EVI2B: variants seen among roughly 807,000 people sequenced by gnomAD.
EVI2B encodes protein EVI2B.
A neutral mutation model predicts 6.6 loss-of-function variants in EVI2B; 4 were observed. That is an observed-to-expected ratio of 0.61 (90% confidence interval 0.30 to 1.39). EVI2B has a LOEUF of 1.39. Among genes scored for constraint, EVI2B ranks in the 40% most tolerant of loss-of-function variants. The pLI is 0.08. For synonymous variants in EVI2B, 181 were observed against 186.8 expected, an observed-to-expected ratio of 0.97 and a Z score of 0.25; for missense variants, 484 against 516.6, an observed-to-expected ratio of 0.94 and a Z score of 0.61.
chr17:31,304,937 A>C lies in EVI2B; in HGVS notation c.673T>G (p.Trp225Gly), dbSNP rs2068669449. 2 of 1,614,036 alleles carry C rather than the reference A, an allele frequency of 1.2e-6. No homozygotes were observed. Among genetic ancestry groups the C allele is most frequent in the South Asian group, 1.1e-5 (1 of 91,080 alleles). ...AAAACTGGTTTCCTTAAGCATTTCC[A>C]AAGTACAATGATGATTATAGCTACC... ...MLVAIIIIVLWKCLRKPVLND... is the reference protein window; with the variant it reads ...MLVAIIIIVLGKCLRKPVLND... The change falls in exon 2 of 2, where the codon TGG becomes GGG. Residue 225 changes from tryptophan to glycine, a missense_variant. By Grantham distance (184) the Trp-to-Gly change is radical (BLOSUM62 -2). Coordinates refer to ENST00000330927, the MANE Select transcript of EVI2B (RefSeq NM_006495.4).
intron 1 of EVI2B, among the ~76,000 whole-genome samples, chr17:31,310,646 T>C (rs190405244): frequency 3.9e-5 from 6 of 152,212 alleles, no homozygotes; most frequent in South Asian, 2.1e-4. Flanking sequence ...CCTTTTTTTT[T>C]CCCTGACACT....
rs1202038082 is a variant in EVI2B, at chr17:31,305,413, A to G, written c.197T>C (p.Phe66Ser). 5.0e-6 allele frequency: 8 copies of G among 1,614,080 alleles called. No individual in the cohort carries two copies. The highest frequency in any genetic ancestry group is 5.9e-6 in the Non-Finnish European group (7 of 1,180,034). ...GGCAGGTGATATTGATTGTCCAGAA[A>G]AAGTGTCGCTGAATTGTGTTGGTTG... ...LGQPTQFSDTFSGQSISPAKV... is the reference protein window; with the variant it reads ...LGQPTQFSDTSSGQSISPAKV... The change falls in exon 2 of 2, where the codon TTT becomes TCT. Residue 66 changes from phenylalanine to serine, a missense_variant. By Grantham distance (155) the Phe-to-Ser change is radical. Transcript: ENST00000330927.
intron 1 of EVI2B, among the ~76,000 whole-genome samples, chr17:31,307,695 T>C (rs2068760872): frequency 1.3e-5 from 2 of 152,226 alleles, no homozygotes. Context: ...TTTGGTATAA[T>C]ATACTTGTTT....
Position 31,308,355 on chromosome 17 carries a change from G to A in EVI2B, c.-21-2725C>T, listed in dbSNP as rs144270481. Among the ~76,000 whole-genome samples the A allele has an allele frequency of 4.6e-3, 702 of 152,102 alleles. 6 individuals carry two copies. The highest frequency in any genetic ancestry group is 0.016 in the African/African-American group (666 of 41,476). The stretch of plus-strand genomic sequence containing the variant: ...AGGGTTTCACCATGTTGTCCAGACC[G>A]GTCTCGAACTCCTGACCTCAAGTGA... On this transcript the variant is annotated intron_variant, in intron 1 of 1. Transcript: ENST00000330927.
rs2151520841 is a variant in EVI2B at position 31,314,051 on chromosome 17, A to T, written c.-94T>A. The T allele has an allele frequency of 2.5e-6, 1 of 398,178 alleles. No homozygotes were observed. Among genetic ancestry groups the T allele is most frequent in the South Asian group, 1.3e-4 (1 of 7,860 alleles). 24.7% of individuals were successfully genotyped at this position (398,178 alleles called of 1,614,324 possible). A position where few individuals can be genotyped will look rare whatever the true frequency, so the allele number is the denominator to read the frequency against. On this transcript the variant is annotated 5_prime_UTR_variant, in exon 1 of 2. Coordinates refer to ENST00000330927, the MANE Select transcript of EVI2B (RefSeq NM_006495.4). ...GGACATTTTGGTGATTTGGCTAAGA[A>T]AGGAAAATGGGTGGTTCAATTCAGA...
In EVI2B at chr17:31,305,196, T is replaced by C. The variant is rs775673321; in HGVS notation, c.414A>G (p.Pro138=). 1 of 1,614,042 alleles carries C rather than the reference T, an allele frequency of 6.2e-7. No homozygotes were observed. Among genetic ancestry groups the C allele is most frequent in the Admixed American group, 1.7e-5 (1 of 60,004 alleles). The change falls in exon 2 of 2, where the codon CCA becomes CCG. Residue 138 remains proline, a synonymous_variant. Transcript: ENST00000330927. Reference sequence around the variant, plus strand: ...TAAAAGTATAGACAAATGACTTTGGTGGTTGTGTGGTAGAAGTACGGGCAG... The same window carrying C: ...TAAAAGTATAGACAAATGACTTTGGCGGTTGTGTGGTAGAAGTACGGGCAG... The part of the protein sequence containing the change: ...LPSARTSTTQ[P]PKSFVYTFTQ...
chr17:31,312,331 G>A (rs1441248876), intron 1 of EVI2B, among the ~76,000 whole-genome samples: 1 of 151,972 alleles, frequency 6.6e-6, no homozygotes, highest in Non-Finnish European at 1.5e-5. Flanking sequence ...CCAACATGGT[G>A]AAACCCCGTT....
chr17:31,305,126 T>C lies in EVI2B; in HGVS notation c.484A>G (p.Thr162Ala). Residue 162 changes from threonine (T) to alanine (A), a missense_variant, in exon 2 of 2, where the codon ACT becomes GCT. By Grantham distance (58) the Thr-to-Ala change is moderately conservative. Coordinates refer to ENST00000330927, the MANE Select transcript of EVI2B (RefSeq NM_006495.4). ...SVQIPSRKQITVHNPSTQPTS... is the reference protein window; with the variant it reads ...SVQIPSRKQIAVHNPSTQPTS... ...GGTTGTGTGGATGGATTATGAACAG[T>C]TATTTGTTTTCTAGAAGGGATCTGG... 2 of 1,614,172 alleles carry C rather than the reference T, an allele frequency of 1.2e-6. No homozygotes were observed. The highest frequency in any genetic ancestry group is 1.1e-5 in the South Asian group (1 of 91,078).
intron 1 of EVI2B, among the ~76,000 whole-genome samples, chr17:31,309,872 C>T (rs976053570): frequency 2.6e-5 from 4 of 152,158 alleles, no homozygotes; most frequent in Non-Finnish European, 4.4e-5. Flanking sequence ...AAACCAAATT[C>T]CATTTTTTGC....
At chr17:31,313,705 C>CA (rs371438778) in intron 1 of EVI2B, among the ~76,000 whole-genome samples, 15,666 of 112,508 alleles carry the variant, frequency 0.14, 2,293 homozygotes, top group African/African-American at 0.38. Flanking sequence ...GACTCTATCT[C>CA]AAAAAAAAAA....
intron 1 of EVI2B, among the ~76,000 whole-genome samples, chr17:31,311,564 A>T (rs2151517467): frequency 6.6e-6 from 1 of 152,318 alleles, no homozygotes; most frequent in East Asian, 1.9e-4. Context: ...AGAGAAATTG[A>T]CCTTCAACTA....
Position 31,304,776 on chromosome 17 carries a change from G to A in EVI2B, c.834C>T (p.Ser278=). ...AGTCATCTGCTAAAAGTGTGCTTTT[G>A]CTTGGTTTCCAGGGTGTAAGTGAAA... The part of the protein sequence containing the change: ...SIISLTPWKP[S]KSTLLADDLE... The change falls in exon 2 of 2, where the codon AGC becomes AGT. Residue 278 remains serine, a synonymous_variant. Transcript: ENST00000330927. 6.2e-7 allele frequency: 1 copy of A among 1,614,000 alleles called. No homozygotes were observed. Among genetic ancestry groups the A allele is most frequent in the African/African-American group, 1.3e-5 (1 of 74,994 alleles).
At chr17:31,312,568 G>A (rs548475271) in intron 1 of EVI2B, among the ~76,000 whole-genome samples, 3 of 149,268 alleles carry the variant, frequency 2.0e-5, no homozygotes, top group South Asian at 2.1e-4. Context: ...CACACCATAA[G>A]GATCGATGGG....
intron 1 of EVI2B, among the ~76,000 whole-genome samples, chr17:31,307,638 T>C (rs1597804383): frequency 6.6e-6 from 1 of 152,182 alleles, no homozygotes; most frequent in East Asian, 1.9e-4. Context: ...CTGTTCTCAA[T>C]TGCCTTTCCT....
rs1342160224 is a variant in EVI2B, at chr17:31,303,896, TGAAATG to T, written c.*361_*366del. ...TCTTATTCCTCTCCACCCTGGTCTT[TGAAATG>T]GAAACATAAAAGTTTATTCACCATA... On this transcript the variant is annotated 3_prime_UTR_variant, in exon 2 of 2. Coordinates refer to ENST00000330927, the MANE Select transcript of EVI2B (RefSeq NM_006495.4). 1 of 161,302 alleles carries T rather than the reference TGAAATG, an allele frequency of 6.2e-6. No homozygotes were observed. Among genetic ancestry groups the T allele is most frequent in the Non-Finnish European group, 1.4e-5 (1 of 73,708 alleles). The allele number at this position is 161,302 out of a possible 1,614,324, so 10.0% of individuals were successfully genotyped here.
rs910465736 is a variant in EVI2B at position 31,309,536 on chromosome 17, G to T, written c.-21-3906C>A. 2.6e-5 allele frequency among the ~76,000 whole-genome samples: 4 copies of T among 152,128 alleles called. No individual in the cohort carries two copies. The East Asian group carries it at 5.8e-4, about 22-fold the overall frequency. ...AGGCGGGGGGACTTCTTTAGAAAAT[G>T]TTATTCTCTTCAGAACTTCATTTTA... On this transcript the variant is annotated intron_variant, in intron 1 of 1. Transcript: ENST00000330927.
chr17:31,308,225 C>T (rs1036210744), intron 1 of EVI2B, among the ~76,000 whole-genome samples: 2 of 151,796 alleles, frequency 1.3e-5, no homozygotes, highest in Admixed American at 6.6e-5. Flanking sequence ...GCAACCTCTA[C>T]ATCCTGGGTT....
chr17:31,311,578 T>A (rs1168779871), intron 1 of EVI2B, among the ~76,000 whole-genome samples: 1 of 152,148 alleles, frequency 6.6e-6, no homozygotes, highest in African/African-American at 2.4e-5. Flanking sequence ...TCAACTACAA[T>A]AGGAAGTATT....
Position 31,304,830 on chromosome 17 carries a change from A to T in EVI2B, c.780T>A (p.Asn260Lys), listed in dbSNP as rs2068665226. 1 of 1,613,808 alleles carries T rather than the reference A, an allele frequency of 6.2e-7. No homozygotes were observed. Residue 260 changes from asparagine (N) to lysine (K), a missense_variant, in exon 2 of 2, where the codon AAT (asparagine) becomes AAA (lysine). Coordinates refer to ENST00000330927, the MANE Select transcript of EVI2B (RefSeq NM_006495.4). ...PDICMDNIRE[N>K]EISTKRTSII... ...TTGATGTACGTTTTGTGGATATTTC[A>T]TTTTCTCTGATGTTATCCATACAAA...
Sources: allele counts gnomAD v4.1 joint callset (sites outside exome capture counted in the v4.1 genomes callset), GRCh38; gene constraint gnomAD v4.1.1; transcripts MANE v1.5; gene names NCBI Gene and HGNC (gene_info 2026-07-23, HGNC 2026-07-21).